SGCD: variants seen among roughly 807,000 people sequenced by gnomAD.
SGCD encodes the protein delta-sarcoglycan.
Under a neutral mutation model 36.6 loss-of-function variants are expected in SGCD, and 18 were observed. That is an observed-to-expected ratio of 0.49 (90% CI 0.34 to 0.73). The LOEUF is 0.73. Ranked by LOEUF, SGCD falls within the 30% of genes least tolerant of loss-of-function variation. The pLI is 0.01. For synonymous variants in SGCD, 133 were observed against 130.6 expected, an observed-to-expected ratio of 1.02 and a Z score of -0.12; for missense variants, 387 against 346.7, an observed-to-expected ratio of 1.12 and a Z score of -0.92.
intron 3 of SGCD, among the ~76,000 whole-genome samples, chr5:156,154,239 G>A (rs1421214673): frequency 6.6e-6 from 1 of 151,524 alleles, no homozygotes; most frequent in East Asian, 1.9e-4. Context: ...CTCCCAAGGA[G>A]GAATGCAGTT....
chr5:156,207,110 T>C (rs982647353), intron 3 of SGCD, among the ~76,000 whole-genome samples: 22 of 152,126 alleles, frequency 1.4e-4, no homozygotes, highest in Non-Finnish European at 5.9e-5. Context: ...CTGCCTGTAG[T>C]GGCCCTTTGG....
chr5:155,790,438 A>G, the SGCD span, among the ~76,000 whole-genome samples: 3 of 152,190 alleles, frequency 2.0e-5, no homozygotes, highest in Admixed American at 6.6e-5. Flanking sequence ...GACCAGATCT[A>G]TAATTGCAAG....
intron 3 of SGCD, among the ~76,000 whole-genome samples, chr5:156,354,993 G>C (rs1769429687): frequency 6.6e-6 from 1 of 152,208 alleles, no homozygotes; most frequent in Non-Finnish European, 1.5e-5. Flanking sequence ...GAATGACACT[G>C]TCTATTAAGG....
At chr5:156,361,180 T>A (rs1039239090) in intron 3 of SGCD, among the ~76,000 whole-genome samples, 1 of 152,200 alleles carries the variant, frequency 6.6e-6, no homozygotes, top group Admixed American at 6.5e-5. Flanking sequence ...ATGCGCTCCC[T>A]CCTGCAAGGG....
In SGCD at chr5:156,622,444, TAATAATA is replaced by T. The variant is rs1338140134; in HGVS notation, c.503-25018_503-25012del. On this transcript the variant is annotated intron_variant, in intron 6 of 8. Transcript: ENST00000337851. ...CAAGACTCTGTCTAAAAAATAATAATAATAATAATAATAATAATAATAATAATAATAA... is the reference window on the plus strand; with the variant it reads ...CAAGACTCTGTCTAAAAAATAATAATATAATAATAATAATAATAATAATAA... Among the ~76,000 whole-genome samples, 3 of 97,726 alleles carry T rather than the reference TAATAATA, an allele frequency of 3.1e-5. No homozygotes were observed. In the South Asian group the frequency reaches 8.7e-4, roughly 28 times the overall value. The allele number at this position is 97,726 out of a possible 152,430, so 64.1% of individuals were successfully genotyped here.
At chr5:156,331,825 T>C (rs1768080457) in intron 2 of SGCD, among the ~76,000 whole-genome samples, 1 of 152,234 alleles carries the variant, frequency 6.6e-6, no homozygotes, top group Non-Finnish European at 1.5e-5. Context: ...ATTGGCACTG[T>C]GTATTCAATG....
chr5:156,275,050 G>A (rs959175103), intron 3 of SGCD, among the ~76,000 whole-genome samples: 1 of 152,160 alleles, frequency 6.6e-6, no homozygotes, highest in Non-Finnish European at 1.5e-5. Flanking sequence ...TGTTCTGATT[G>A]TTAAAGGTTG....
At chr5:156,121,628 AG>A (rs1476063140) in intron 2 of SGCD, among the ~76,000 whole-genome samples, 1 of 152,176 alleles carries the variant, frequency 6.6e-6, no homozygotes, top group African/African-American at 2.4e-5. Context: ...AATAAAAATG[AG>A]GGGTACCCCA....
intron 1 of SGCD, among the ~76,000 whole-genome samples, chr5:155,888,072 T>A (rs113575641): frequency 6.6e-6 from 1 of 152,074 alleles, no homozygotes; most frequent in Non-Finnish European, 1.5e-5. Context: ...TTCACCACTA[T>A]GAGATTCTGC....
At chr5:156,185,431 G>T (rs528885695) in intron 3 of SGCD, among the ~76,000 whole-genome samples, 4 of 151,842 alleles carry the variant, frequency 2.6e-5, no homozygotes, top group Non-Finnish European at 1.5e-5. Flanking sequence ...AGCCAGGATG[G>T]TCTCGATCTC....
chr5:156,520,956 G>GC (rs1264619803), intron 4 of SGCD, among the ~76,000 whole-genome samples: 1 of 143,370 alleles, frequency 7.0e-6, no homozygotes, highest in African/African-American at 2.6e-5. Flanking sequence ...GGTGGATATT[G>GC]CAGTGAGTCG....
At chr5:156,203,798 A>T (rs1047593907) in intron 3 of SGCD, among the ~76,000 whole-genome samples, 2 of 152,128 alleles carry the variant, frequency 1.3e-5, no homozygotes, top group African/African-American at 4.8e-5. Context: ...CAGGACCCAG[A>T]TATTCAGGAT....
the SGCD span, among the ~76,000 whole-genome samples, chr5:155,856,539 GAC>G: frequency 6.6e-6 from 1 of 151,842 alleles, no homozygotes; most frequent in East Asian, 1.9e-4. Context: ...TGTTTTGAAA[GAC>G]ACTGTTAAGA....
At chr5:155,826,768 G>C in the SGCD span, among the ~76,000 whole-genome samples, 5 of 152,172 alleles carry the variant, frequency 3.3e-5, no homozygotes, top group Non-Finnish European at 5.9e-5. Context: ...CAAGGATGAT[G>C]TTCATTTCTT....
intron 1 of SGCD, among the ~76,000 whole-genome samples, chr5:155,991,268 T>C (rs935074718): frequency 3.3e-5 from 5 of 152,238 alleles, no homozygotes; most frequent in African/African-American, 1.2e-4. Context: ...GAATAAATGG[T>C]ATGCCACTTC....
intron 1 of SGCD, among the ~76,000 whole-genome samples, chr5:156,077,621 T>TAC (rs1760822896): frequency 6.6e-6 from 1 of 152,154 alleles, no homozygotes; most frequent in African/African-American, 2.4e-5. Context: ...TTCCTGCCCT[T>TAC]ACACACACAC....
At chr5:156,257,602 GC>G (rs1299103886) in intron 3 of SGCD, among the ~76,000 whole-genome samples, 1 of 152,168 alleles carries the variant, frequency 6.6e-6, no homozygotes, top group African/African-American at 2.4e-5. Context: ...GGTGGCTCAT[GC>G]CTGTAATCCC....
intron 3 of SGCD, among the ~76,000 whole-genome samples, chr5:156,186,411 C>T (rs985709927): frequency 1.3e-5 from 2 of 152,110 alleles, no homozygotes; most frequent in Non-Finnish European, 2.9e-5. Context: ...TCATCCCTAC[C>T]GTTCAAGTAC....
intron 3 of SGCD, among the ~76,000 whole-genome samples, chr5:156,445,010 A>G (rs377683476): frequency 1.3e-5 from 2 of 152,196 alleles, no homozygotes; most frequent in Admixed American, 1.3e-4. Context: ...TAATTTAGGT[A>G]TAATTGAGAG....
Sources: gnomAD v4.1 joint callset for allele counts (sites outside exome capture counted in the v4.1 genomes callset) on GRCh38, gnomAD v4.1.1 for gene constraint, MANE v1.5 for transcripts, NCBI Gene and HGNC (gene_info 2026-07-23, HGNC 2026-07-21) for gene names.